The following KIAA1549L variants were observed in gnomAD, a reference collection of about 807,000 sequenced individuals.
KIAA1549L encodes UPF0606 protein KIAA1549L.
Under a neutral mutation model 160.7 loss-of-function variants are expected in KIAA1549L, and 88 were observed. The observed-to-expected ratio is 0.55, with a 90% confidence interval of 0.46 to 0.65. The LOEUF (loss-of-function observed/expected upper bound fraction) is 0.65. Ranked by LOEUF, KIAA1549L falls within the 30% of genes least tolerant of loss-of-function variation. KIAA1549L has a pLI of 0.00. For synonymous variants in KIAA1549L, 950 were observed against 976.7 expected (o/e 0.97, Z 0.51); for missense variants, 2,258 against 2,437.5 (o/e 0.93, Z 1.55).
At chr11:33,524,536 T>C (rs1853570534) in intron 1 of KIAA1549L, among the ~76,000 whole-genome samples, 1 of 152,172 alleles carries the variant, frequency 6.6e-6, no homozygotes, top group Non-Finnish European at 1.5e-5. Flanking sequence ...AATTTTTATA[T>C]ATGAATAAAG....
In KIAA1549L at chr11:33,668,468, A is replaced by AT; in HGVS notation, c.*316dup. 2.6e-6 allele frequency: 1 copy of AT among 388,304 alleles called. No homozygotes were observed. The highest frequency in any genetic ancestry group is 4.7e-6 in the Non-Finnish European group (1 of 212,406). The allele number at this position is 388,304 out of a possible 1,614,324, so 24.1% of individuals were successfully genotyped here. ...ACAAGAGGCACTAGCTAATCTACAG[A>AT]TTCCTATCCAATGCCACATTTTAAT... On this transcript the variant is annotated 3_prime_UTR_variant, in exon 21 of 21. Coordinates refer to ENST00000658780, the MANE Select transcript of KIAA1549L (RefSeq NM_012194.3).
chr11:33,538,066 T>C (rs966349229), intron 1 of KIAA1549L, among the ~76,000 whole-genome samples: 6 of 152,096 alleles, frequency 3.9e-5, no homozygotes, highest in Non-Finnish European at 7.4e-5. Context: ...CTCAGGAAAC[T>C]TACAATTATG....
At chr11:33,649,527 A>T (rs4755801) in intron 17 of KIAA1549L, among the ~76,000 whole-genome samples, 102,315 of 142,072 alleles carry the variant, frequency 0.72, 37,129 homozygotes, top group African/African-American at 0.85. Context: ...AAAAAAAAAA[A>T]GAAGCAGCAG....
At chr11:33,648,183 A>G (rs1327495554) in intron 17 of KIAA1549L, among the ~76,000 whole-genome samples, 2 of 151,818 alleles carry the variant, frequency 1.3e-5, no homozygotes, top group Non-Finnish European at 2.9e-5. Context: ...TTTAGTAGAG[A>G]GGGGGTTTCA....
chr11:33,592,013 C>G (rs1850069688), intron 12 of KIAA1549L, among the ~76,000 whole-genome samples: 1 of 152,140 alleles, frequency 6.6e-6, no homozygotes, highest in Non-Finnish European at 1.5e-5. Context: ...CAGGGAAAAC[C>G]TCGTGGAGAA....
At position 33,488,864 on chromosome 11, in the gene KIAA1549L, G is replaced by T. The variant is rs1158533565; in HGVS notation, c.239-52938G>T. 3.3e-5 allele frequency among the ~76,000 whole-genome samples: 5 copies of T among 152,120 alleles called. No individual in the cohort carries two copies. In the East Asian group the frequency reaches 9.6e-4, roughly 29 times the overall value. On this transcript the variant is annotated intron_variant, in intron 1 of 20. Transcript: ENST00000658780. Reference sequence around the variant, plus strand: ...AGAGAGTGTAAATAATTTATGCAGGGTCACCCAGTTTGCATGCAACAGTGC... The same window carrying T: ...AGAGAGTGTAAATAATTTATGCAGGTTCACCCAGTTTGCATGCAACAGTGC...
intron 4 of KIAA1549L, 142 bp downstream of exon 4, chr11:33,548,021 C>T: frequency 1.6e-6 from 1 of 626,052 alleles, no homozygotes; most frequent in South Asian, 2.0e-5. Flanking sequence ...TGGCAACTAG[C>T]TAATGTGTAG....
intron 17 of KIAA1549L, among the ~76,000 whole-genome samples, chr11:33,646,337 T>C (rs983107979): frequency 1.3e-5 from 2 of 152,336 alleles, no homozygotes; most frequent in South Asian, 2.1e-4. Context: ...CACTGGTGGT[T>C]TCCTACACTT....
At chr11:33,452,562 C>T (rs1048454950) in intron 1 of KIAA1549L, among the ~76,000 whole-genome samples, 6 of 152,170 alleles carry the variant, frequency 3.9e-5, no homozygotes, top group Admixed American at 2.0e-4. Context: ...GAGCCAAGAT[C>T]GCACCACTGC....
Position 33,530,426 on chromosome 11 carries a change from AAAAAAAAAAAATATATATATATATATAT to A in KIAA1549L, c.239-11374_239-11347del, listed in dbSNP as rs1467122170. 3.3e-3 allele frequency among the ~76,000 whole-genome samples: 217 copies of A among 65,492 alleles called. 21 individuals carry two copies. Among genetic ancestry groups the A allele is most frequent in the Admixed American group, 0.012 (65 of 5,644 alleles). 43.0% of individuals were successfully genotyped at this position (65,492 alleles called of 152,430 possible). On this transcript the variant is annotated intron_variant, in intron 1 of 20. Transcript: ENST00000658780. ...AAAGAAGAAGAAGGAAAAAAAAAAA[AAAAAAAAAAAATATATATATATATATAT>A]ATATATATATATATATATATATATA... is the stretch of plus-strand genomic sequence containing the variant.
At position 33,543,549 on chromosome 11, in the gene KIAA1549L, AG is replaced by A; in HGVS notation, c.1987del (p.Ala663LeufsTer7). 1 of 1,614,026 alleles carries A rather than the reference AG, an allele frequency of 6.2e-7. No homozygotes were observed. Among genetic ancestry groups the A allele is most frequent in the Non-Finnish European group, 8.5e-7 (1 of 1,179,884 alleles). ...CTGCTGTGGACCATTCTGGGTTGCCAGCTTCAGCTTCCAAACAGGTGAGAGC... is the reference window on the plus strand; with the variant it reads ...CTGCTGTGGACCATTCTGGGTTGCCACTTCAGCTTCCAAACAGGTGAGAGC... The part of the protein sequence containing the change: ...AAAVDHSGLP[A>X]SASKQVRASP... On this transcript the variant is annotated frameshift_variant, in exon 2 of 21. Coordinates refer to ENST00000658780, the MANE Select transcript of KIAA1549L (RefSeq NM_012194.3). LOFTEE classifies it high-confidence loss of function.
chr11:33,489,361 C>G (rs962448422), intron 1 of KIAA1549L, among the ~76,000 whole-genome samples: 3 of 152,152 alleles, frequency 2.0e-5, no homozygotes, highest in Non-Finnish European at 2.9e-5. Context: ...CTCTCTTTCT[C>G]TTACTCTAGG....
chr11:33,552,947 G>A (rs1018733099), intron 6 of KIAA1549L, among the ~76,000 whole-genome samples: 5 of 151,972 alleles, frequency 3.3e-5, no homozygotes, highest in Non-Finnish European at 4.4e-5. Flanking sequence ...CCTTAATGAA[G>A]CCTGTGTCAA....
intron 1 of KIAA1549L, among the ~76,000 whole-genome samples, chr11:33,531,044 C>T (rs1039486885): frequency 4.6e-5 from 7 of 152,220 alleles, no homozygotes; most frequent in South Asian, 2.1e-4. Flanking sequence ...GGGATGTGCA[C>T]GTGGTCAGGG....
chr11:33,623,371 A>G (rs1479604934), intron 16 of KIAA1549L, among the ~76,000 whole-genome samples: 2 of 152,076 alleles, frequency 1.3e-5, no homozygotes, highest in African/African-American at 4.8e-5. Context: ...CCACCTTAGC[A>G]TCTCACCCAA....
At chr11:33,413,232 C>T (rs1390562005) in intron 1 of KIAA1549L, among the ~76,000 whole-genome samples, 1 of 151,550 alleles carries the variant, frequency 6.6e-6, no homozygotes, top group African/African-American at 2.4e-5. Flanking sequence ...TACCCTAGAA[C>T]TTCCCAAACT....
At chr11:33,558,840 T>C (rs1014934314) in intron 6 of KIAA1549L, among the ~76,000 whole-genome samples, 2 of 138,934 alleles carry the variant, frequency 1.4e-5, no homozygotes, top group Admixed American at 7.2e-5. Context: ...TTTTCTTTTC[T>C]TTTTTTTTTT....
At chr11:33,389,111 T>TA (rs1163953225) in intron 1 of KIAA1549L, among the ~76,000 whole-genome samples, 1 of 152,216 alleles carries the variant, frequency 6.6e-6, no homozygotes, top group African/African-American at 2.4e-5. Context: ...TTTTGGTATT[T>TA]ATGCAGTTCA....
intron 16 of KIAA1549L, among the ~76,000 whole-genome samples, chr11:33,633,644 A>G (rs1380630503): frequency 2.6e-5 from 4 of 152,240 alleles, no homozygotes; most frequent in African/African-American, 9.6e-5. Context: ...AACGCGAATT[A>G]GCTTTCCAAG....
Sources: allele counts gnomAD v4.1 joint callset (sites outside exome capture counted in the v4.1 genomes callset), GRCh38; gene constraint gnomAD v4.1.1; transcripts MANE v1.5; gene names NCBI Gene and HGNC (gene_info 2026-07-23, HGNC 2026-07-21).